Variants in FBXL17 observed in about 807,000 individuals in gnomAD.
The protein encoded by FBXL17 is F-box/LRR-repeat protein 17.
A neutral mutation model predicts 66.2 loss-of-function variants in FBXL17; 22 were observed. The observed-to-expected ratio is 0.33, with a 90% CI of 0.24 to 0.47. The LOEUF is 0.47. FBXL17 is among the 20% of genes least tolerant of loss of function. The pLI is 1.00. For missense variants in FBXL17, 878 were observed against 948.2 expected (o/e 0.93, Z 0.97); for synonymous variants, 474 against 400.5 (o/e 1.18, Z -2.19).
At chr5:108,252,661 T>C (rs1409061078) in intron 4 of FBXL17, among the ~76,000 whole-genome samples, 1 of 152,112 alleles carries the variant, frequency 6.6e-6, no homozygotes, top group East Asian at 1.9e-4. Flanking sequence ...TATGTTCTAC[T>C]ACACATAGAA....
At chr5:108,213,953 G>C (rs1165356130) in intron 5 of FBXL17, among the ~76,000 whole-genome samples, 1 of 151,954 alleles carries the variant, frequency 6.6e-6, no homozygotes, top group Non-Finnish European at 1.5e-5. Flanking sequence ...TCCCAATCTG[G>C]GGCTTGTCTC....
At chr5:108,244,789 T>G (rs1485568833) in intron 4 of FBXL17, among the ~76,000 whole-genome samples, 1 of 152,200 alleles carries the variant, frequency 6.6e-6, no homozygotes, top group Non-Finnish European at 1.5e-5. Flanking sequence ...AAAGTGCAAG[T>G]TAAACAAAAC....
chr5:108,354,922 G>A (rs1370165444), intron 3 of FBXL17, among the ~76,000 whole-genome samples: 4 of 151,968 alleles, frequency 2.6e-5, no homozygotes, highest in African/African-American at 9.7e-5. Flanking sequence ...TATAGCCTGT[G>A]AAATTATCTT....
At chr5:108,240,249 G>A (rs974469508) in intron 4 of FBXL17, among the ~76,000 whole-genome samples, 2 of 152,116 alleles carry the variant, frequency 1.3e-5, no homozygotes, top group African/African-American at 4.8e-5. Context: ...AGCAACAAGT[G>A]GTCTATTGGC....
At chr5:108,041,477 C>A (rs528591512) in intron 6 of FBXL17, among the ~76,000 whole-genome samples, 1 of 152,098 alleles carries the variant, frequency 6.6e-6, no homozygotes, top group African/African-American at 2.4e-5. Context: ...AGAGCAGTGG[C>A]GCAATCATAG....
chr5:108,214,563 C>G (rs544982165), intron 5 of FBXL17, among the ~76,000 whole-genome samples: 57 of 151,972 alleles, frequency 3.8e-4, no homozygotes, highest in African/African-American at 1.3e-3. Flanking sequence ...GTAGAGACAG[C>G]ATTTCACCAT....
In FBXL17 at chr5:108,231,717, G is replaced by C. The variant is rs775768302; in HGVS notation, c.1507-7489C>G. Among the ~76,000 whole-genome samples, 16 of 152,092 alleles carry C rather than the reference G, an allele frequency of 1.1e-4. 1 individual carries two copies. Among genetic ancestry groups the C allele is most frequent in the East Asian group, 1.9e-4 (1 of 5,180 alleles). On this transcript the variant is annotated intron_variant, in intron 4 of 8. Transcript: ENST00000542267. Reference sequence around the variant, plus strand: ...ACCTTTAAGTCAACAGGCTAAGAAGGGGGTTACAGTGTTGGCTGGGGTGAC... The same window carrying C: ...ACCTTTAAGTCAACAGGCTAAGAAGCGGGTTACAGTGTTGGCTGGGGTGAC...
At chr5:107,880,599 T>C in intron 8 of FBXL17, 1 of 1,076,324 alleles carries the variant, frequency 9.3e-7, no homozygotes, top group Non-Finnish European at 1.1e-6. Flanking sequence ...TACATAGATG[T>C]TCAGTACCAA....
At chr5:107,913,990 A>G (rs1467823900) in intron 7 of FBXL17, among the ~76,000 whole-genome samples, 1 of 151,552 alleles carries the variant, frequency 6.6e-6, no homozygotes, top group African/African-American at 2.4e-5. Flanking sequence ...TTTTTTTAAC[A>G]GGAGGCACTT....
At chr5:108,351,235 T>C (rs1367618020) in intron 3 of FBXL17, among the ~76,000 whole-genome samples, 1 of 152,198 alleles carries the variant, frequency 6.6e-6, no homozygotes, top group East Asian at 1.9e-4. Context: ...TAACAAAAAT[T>C]ATAATAGAAT....
intron 6 of FBXL17, among the ~76,000 whole-genome samples, chr5:108,063,995 T>C (rs556667037): frequency 1.7e-4 from 26 of 152,308 alleles, no homozygotes; most frequent in African/African-American, 5.5e-4. Context: ...TTTATAGTTT[T>C]AATTATTTTT....
intron 4 of FBXL17, among the ~76,000 whole-genome samples, chr5:108,319,217 A>G (rs1759507543): frequency 6.6e-6 from 1 of 151,944 alleles, no homozygotes; most frequent in Non-Finnish European, 1.5e-5. Flanking sequence ...CCAGTGCAGA[A>G]TGGGAAAATT....
chr5:108,064,109 G>A (rs1042164231), intron 6 of FBXL17, among the ~76,000 whole-genome samples: 5 of 151,856 alleles, frequency 3.3e-5, no homozygotes, highest in Non-Finnish European at 5.9e-5. Flanking sequence ...ACTTTCACTC[G>A]ATATTTTAAA....
intron 3 of FBXL17, among the ~76,000 whole-genome samples, chr5:108,359,420 G>A (rs1350894981): frequency 1.3e-5 from 2 of 151,942 alleles, no homozygotes; most frequent in Admixed American, 1.3e-4. Context: ...CTTTTTTAAT[G>A]TAAGATTGTA....
chr5:108,368,797 A>C (rs959250124), intron 1 of FBXL17, among the ~76,000 whole-genome samples: 1 of 152,158 alleles, frequency 6.6e-6, no homozygotes, highest in Admixed American at 6.5e-5. Context: ...ACAAGTATGA[A>C]AGAAAAATAA....
At chr5:107,973,241 A>G (rs1201376958) in intron 7 of FBXL17, among the ~76,000 whole-genome samples, 1 of 152,114 alleles carries the variant, frequency 6.6e-6, no homozygotes, top group Admixed American at 6.6e-5. Context: ...CTTGTTTTAG[A>G]GCAAGCTTGT....
At chr5:108,343,958 C>T (rs562518505) in intron 4 of FBXL17, among the ~76,000 whole-genome samples, 7 of 152,224 alleles carry the variant, frequency 4.6e-5, no homozygotes, top group Admixed American at 6.5e-5. Context: ...ACTCATTTGG[C>T]GCTTTACCTC....
chr5:108,031,311 G>T (rs1580350729), intron 6 of FBXL17, among the ~76,000 whole-genome samples: 1 of 151,928 alleles, frequency 6.6e-6, no homozygotes, highest in Admixed American at 6.6e-5. Context: ...AACTATAAAA[G>T]AAATATTTGA....
intron 7 of FBXL17, among the ~76,000 whole-genome samples, chr5:107,950,604 C>G (rs927571283): frequency 3.3e-5 from 5 of 152,164 alleles, no homozygotes; most frequent in African/African-American, 1.2e-4. Flanking sequence ...ACTCAGATGT[C>G]TCATATGGTC....
Sources: allele counts gnomAD v4.1 joint callset (sites outside exome capture counted in the v4.1 genomes callset), GRCh38; gene constraint gnomAD v4.1.1; transcripts MANE v1.5; gene names NCBI Gene and HGNC (gene_info 2026-07-23, HGNC 2026-07-21).